Variants in GPC6 observed in about 807,000 individuals in gnomAD.
GPC6 encodes the protein glypican-6.
GPC6 carries 14 observed loss-of-function variants against 55.2 expected under a neutral mutation model. That is an observed-to-expected ratio of 0.25 (90% confidence interval 0.17 to 0.40). The LOEUF is 0.40. GPC6 is among the 10% of genes least tolerant of loss of function. The probability of loss-of-function intolerance (pLI) is 1.00; values close to 1 mark genes in which losing one functional copy is unlikely to be tolerated. For missense variants in GPC6, 641 were observed against 708.5 expected (o/e 0.90, Z 1.08); for synonymous variants, 278 against 259.6 (o/e 1.07, Z -0.68).
At chr13:94,008,554 A>G (rs1882113565) in intron 3 of GPC6, among the ~76,000 whole-genome samples, 1 of 152,104 alleles carries the variant, frequency 6.6e-6, no homozygotes, top group African/African-American at 2.4e-5. Context: ...TGGGAGGCTG[A>G]GGCAGGAGAA....
Position 94,231,156 on chromosome 13 carries a change from A to G in GPC6, c.878-55193A>G, listed in dbSNP as rs79479563. On this transcript the variant is annotated intron_variant, in intron 4 of 8. Coordinates refer to ENST00000377047, the MANE Select transcript of GPC6 (RefSeq NM_005708.5). ...ACTAGATGTTCTGCAAAGTTTCATTAATTTGTTGAGTGAGAAAATAATAAA... is the reference window on the plus strand; with the variant it reads ...ACTAGATGTTCTGCAAAGTTTCATTGATTTGTTGAGTGAGAAAATAATAAA... Among the ~76,000 whole-genome samples the G allele has an allele frequency of 3.4e-3, 516 of 152,286 alleles. 3 individuals carry two copies. The highest frequency in any genetic ancestry group is 5.2e-3 in the Non-Finnish European group (353 of 68,026).
intron 1 of GPC6, among the ~76,000 whole-genome samples, chr13:93,235,525 G>A (rs1876204233): frequency 6.6e-6 from 1 of 151,992 alleles, no homozygotes. Flanking sequence ...GGACAGCTAG[G>A]AGACACTTAA....
At chr13:93,752,450 AAAAAG>A (rs993449838) in intron 2 of GPC6, among the ~76,000 whole-genome samples, 3 of 152,076 alleles carry the variant, frequency 2.0e-5, no homozygotes, top group African/African-American at 4.8e-5. Flanking sequence ...ATTAAAAAAA[AAAAAG>A]AAAAAAAAAG....
intron 3 of GPC6, among the ~76,000 whole-genome samples, chr13:94,027,390 C>T (rs1882941648): frequency 6.6e-6 from 1 of 152,130 alleles, no homozygotes; most frequent in Admixed American, 6.5e-5. Flanking sequence ...CTAAATGTGT[C>T]ACATTAAACT....
intron 4 of GPC6, among the ~76,000 whole-genome samples, chr13:94,155,368 A>G (rs2138903376): frequency 6.6e-6 from 1 of 152,320 alleles, no homozygotes; most frequent in East Asian, 1.9e-4. Flanking sequence ...GACATGCTGC[A>G]GGTTTTACCA....
At chr13:94,241,923 T>A (rs1349934939) in intron 4 of GPC6, among the ~76,000 whole-genome samples, 6 of 152,116 alleles carry the variant, frequency 3.9e-5, no homozygotes, top group Non-Finnish European at 7.4e-5. Context: ...TTATTCTTTT[T>A]TTATTATTAT....
At chr13:93,537,986 A>G (rs1192344790) in intron 1 of GPC6, among the ~76,000 whole-genome samples, 1 of 152,212 alleles carries the variant, frequency 6.6e-6, no homozygotes, top group Non-Finnish European at 1.5e-5. Flanking sequence ...AAAAATGAAC[A>G]GCACTTTCAT....
intron 1 of GPC6, among the ~76,000 whole-genome samples, chr13:93,278,866 A>G (rs1594069646): frequency 6.6e-6 from 1 of 152,260 alleles, no homozygotes; most frequent in East Asian, 1.9e-4. Context: ...AAAATGGGTA[A>G]CTATGTGAGA....
rs146503732 is a variant in GPC6, at chr13:93,950,744, C to CCTTG, written c.712-76984_712-76981dup. Among the ~76,000 whole-genome samples, 51 of 152,108 alleles carry CCTTG rather than the reference C, an allele frequency of 3.4e-4. 1 individual carries two copies. Among genetic ancestry groups the CCTTG allele is most frequent in the African/African-American group, 1.1e-3 (47 of 41,520 alleles). On this transcript the variant is annotated intron_variant, in intron 3 of 8. Transcript: ENST00000377047. ...TTCATCATCTGTGACCTTCTCTTGC[C>CCTTG]CTTGACAGAGTTGGTTGTGCATTCA...
chr13:93,488,705 T>A (rs1476705904), intron 1 of GPC6, among the ~76,000 whole-genome samples: 1 of 152,220 alleles, frequency 6.6e-6, no homozygotes, highest in Admixed American at 6.5e-5. Context: ...TTGATTTGCA[T>A]TTCTCTGATG....
chr13:93,494,030 C>T (rs1228022471), intron 1 of GPC6, among the ~76,000 whole-genome samples: 1 of 128,502 alleles, frequency 7.8e-6, no homozygotes. Context: ...CTGTAGATGT[C>T]TATTAGGTCC....
At chr13:93,807,285 G>T (rs1200212418) in intron 2 of GPC6, among the ~76,000 whole-genome samples, 3 of 152,152 alleles carry the variant, frequency 2.0e-5, no homozygotes, top group Admixed American at 6.6e-5. Flanking sequence ...CTCCACTAAT[G>T]AATAAAAATG....
chr13:93,825,860 CT>C (rs1029574657), intron 2 of GPC6, among the ~76,000 whole-genome samples: 1,817 of 124,162 alleles, frequency 0.015, 4 homozygotes, highest in Non-Finnish European at 0.018. Context: ...TTATTATTTT[CT>C]TTTTTTTTTT....
At chr13:94,192,369 A>G (rs945475806) in intron 4 of GPC6, among the ~76,000 whole-genome samples, 1 of 152,224 alleles carries the variant, frequency 6.6e-6, no homozygotes, top group Non-Finnish European at 1.5e-5. Flanking sequence ...TAAAAGCACC[A>G]TGGAATCCAT....
rs560953932 is a variant in GPC6, at chr13:94,054,227, T to C, written c.877+26333T>C. ...CGCCCCGCCATTCCTAATTTAAAAC[T>C]TGACTTTTTGGTTAGTGCATCAGCC... On this transcript the variant is annotated intron_variant, in intron 4 of 8. Transcript: ENST00000377047. 7.8e-4 allele frequency among the ~76,000 whole-genome samples: 119 copies of C among 152,298 alleles called. No individual in the cohort carries two copies. The Middle Eastern group carries it at 0.014, about 17-fold the overall frequency.
intron 2 of GPC6, among the ~76,000 whole-genome samples, chr13:93,789,610 T>TAATACTACATATATATATATAATTCTAC: frequency 3.6e-5 from 1 of 27,698 alleles, no homozygotes; most frequent in African/African-American, 1.5e-4. Context: ...TATATATATA[T>TAATACTACATATATATATATAATTCTAC]ATATATATAT....
chr13:94,165,706 C>T (rs1039727471), intron 4 of GPC6, among the ~76,000 whole-genome samples: 6 of 152,086 alleles, frequency 3.9e-5, no homozygotes, highest in Non-Finnish European at 7.4e-5. Context: ...TGCTATAGTG[C>T]TACAAAGCTA....
intron 1 of GPC6, among the ~76,000 whole-genome samples, chr13:93,303,943 A>C (rs1878768944): frequency 1.4e-5 from 2 of 143,846 alleles, no homozygotes; most frequent in Admixed American, 7.4e-5. Flanking sequence ...ATCTCGGCTC[A>C]CTGCAACCTC....
At chr13:94,308,209 C>G (rs531618603) in intron 6 of GPC6, among the ~76,000 whole-genome samples, 1 of 152,238 alleles carries the variant, frequency 6.6e-6, no homozygotes, top group Non-Finnish European at 1.5e-5. Flanking sequence ...AAACACACAC[C>G]CTTAAACAGG....
Sources: allele counts gnomAD v4.1 joint callset (sites outside exome capture counted in the v4.1 genomes callset), GRCh38; gene constraint gnomAD v4.1.1; transcripts MANE v1.5; gene names NCBI Gene and HGNC (gene_info 2026-07-23, HGNC 2026-07-21).